RFFL: variants seen among roughly 807,000 people sequenced by gnomAD.
RFFL encodes E3 ubiquitin-protein ligase rififylin.
In RFFL, 16 loss-of-function variants were observed where a neutral mutation model predicts 40.4. The observed-to-expected ratio is 0.40, with a 90% CI of 0.27 to 0.60. RFFL has a LOEUF of 0.60. Ranked by LOEUF, RFFL falls within the 20% of genes least tolerant of loss-of-function variation. The probability of loss-of-function intolerance (pLI) is 0.47; values close to 1 mark genes in which losing one functional copy is unlikely to be tolerated. For missense variants in RFFL, 367 were observed against 451.7 expected (o/e 0.81, Z 1.70); for synonymous variants, 154 against 167.9 (o/e 0.92, Z 0.64).
chr17:35,015,097 C>G (rs567506903), intron 5 of RFFL, among the ~76,000 whole-genome samples: 91 of 152,170 alleles, frequency 6.0e-4, no homozygotes, highest in Admixed American at 1.6e-3. Context: ...CTCCTGAGTA[C>G]CTGGGGACTA....
upstream of RFFL, among the ~76,000 whole-genome samples, chr17:35,064,869 G>T (rs1751060960): frequency 6.6e-6 from 1 of 152,084 alleles, no homozygotes; most frequent in African/African-American, 2.4e-5. Context: ...CTATTCAAGG[G>T]GCTAGTTTTA....
At chr17:35,040,865 GGTGTGT>G (rs10578625) in intron 1 of RFFL, among the ~76,000 whole-genome samples, 111 of 63,858 alleles carry the variant, frequency 1.7e-3, no homozygotes, top group Admixed American at 2.7e-3. Flanking sequence ...TTTTTTTTTT[GGTGTGT>G]GTGTGTGTGT....
At chr17:35,012,691 C>T (rs191123848) in intron 6 of RFFL, among the ~76,000 whole-genome samples, 23 of 152,360 alleles carry the variant, frequency 1.5e-4, no homozygotes, top group Admixed American at 1.1e-3. Context: ...TCACAAACTA[C>T]TCCCAGGTTT....
chr17:35,048,777 T>C (rs938234384), intron 1 of RFFL, among the ~76,000 whole-genome samples: 1 of 152,238 alleles, frequency 6.6e-6, no homozygotes, highest in Non-Finnish European at 1.5e-5. Flanking sequence ...TGCACTGCAC[T>C]GAAGTCAGAT....
intron 1 of RFFL, among the ~76,000 whole-genome samples, chr17:35,045,888 G>T (rs2091196951): frequency 1.3e-5 from 2 of 151,852 alleles, no homozygotes. Context: ...GCTGGGCGTG[G>T]TGGTGTATAT....
chr17:35,075,439 G>T (rs989022877), intron 1 of RFFL, among the ~76,000 whole-genome samples: 2 of 152,150 alleles, frequency 1.3e-5, no homozygotes, highest in Admixed American at 1.3e-4. Context: ...AGCAGTGCTT[G>T]TCCAAAGGCC....
intron 1 of RFFL, among the ~76,000 whole-genome samples, chr17:35,082,597 GCTGACTGAATAGATATTC>G (rs964517432): frequency 1.3e-5 from 2 of 152,162 alleles, no homozygotes; most frequent in African/African-American, 4.8e-5. Flanking sequence ...TTCTAAAAGA[GCTGACTGAATAGATATTC>G]CTGGAAAGAG....
At chr17:35,048,380 C>T (rs911565402) in intron 1 of RFFL, among the ~76,000 whole-genome samples, 23 of 151,354 alleles carry the variant, frequency 1.5e-4, no homozygotes, top group African/African-American at 3.4e-4. Context: ...CCAGCCTGGG[C>T]GACAGAGCGA....
chr17:35,029,930 G>C (rs2091071430), intron 1 of RFFL, among the ~76,000 whole-genome samples: 1 of 149,594 alleles, frequency 6.7e-6, no homozygotes, highest in African/African-American at 2.5e-5. Flanking sequence ...CTATGAGCGA[G>C]AACATGCGGT....
At chr17:35,071,781 T>C (rs550277556) in intron 1 of RFFL, among the ~76,000 whole-genome samples, 1 of 152,338 alleles carries the variant, frequency 6.6e-6, no homozygotes, top group East Asian at 1.9e-4. Context: ...TCATCTGTAA[T>C]AGCCCCAAAC....
intron 1 of RFFL, among the ~76,000 whole-genome samples, chr17:35,046,411 G>A (rs555712339): frequency 4.9e-4 from 74 of 152,142 alleles, no homozygotes; most frequent in Non-Finnish European, 8.1e-4. Context: ...CAAAGAAACC[G>A]ACCTCTACCA....
intron 1 of RFFL, among the ~76,000 whole-genome samples, chr17:35,060,402 T>C (rs1411480076): frequency 6.6e-6 from 1 of 152,190 alleles, no homozygotes; most frequent in Non-Finnish European, 1.5e-5. Context: ...ATTTAACTAC[T>C]ATATTAAGAG....
At chr17:35,063,873 C>G (rs1369793850), upstream of RFFL, 1 of 152,232 alleles carries the variant, frequency 6.6e-6, no homozygotes, top group African/African-American at 2.4e-5. Flanking sequence ...AGGCAGCTCA[C>G]TGATTGTTTT....
At chr17:35,012,217 G>A in intron 6 of RFFL, 68 bp from the exon 7 acceptor site, 1 of 1,389,082 alleles carries the variant, frequency 7.2e-7, no homozygotes, top group Non-Finnish European at 9.9e-7. Flanking sequence ...GTGTATAGGG[G>A]TGACTGGGGG....
Position 35,011,074 on chromosome 17 carries a change from C to T in RFFL, c.*894G>A, listed in dbSNP as rs2090934983. ...ATTTTCAGCGAAAAGTGGCTTAAGA[C>T]TTCTAGTTGGGAAAAGGATCAGAAG... On this transcript the variant is annotated 3_prime_UTR_variant, in exon 7 of 7. Transcript: ENST00000394597. 1.3e-5 allele frequency: 2 copies of T among 152,214 alleles called. No individual in the cohort carries two copies. Among genetic ancestry groups the T allele is most frequent in the Admixed American group, 1.3e-4 (2 of 15,288 alleles). 9.4% of individuals were successfully genotyped at this position (152,214 alleles called of 1,614,324 possible).
At chr17:35,049,347 C>G (rs1365794458) in intron 1 of RFFL, among the ~76,000 whole-genome samples, 1 of 152,150 alleles carries the variant, frequency 6.6e-6, no homozygotes, top group Non-Finnish European at 1.5e-5. Flanking sequence ...AAACCTTTAC[C>G]TGTCCCATAT....
At chr17:35,061,093 T>G in intron 1 of RFFL, among the ~76,000 whole-genome samples, 1 of 150,620 alleles carries the variant, frequency 6.6e-6, no homozygotes, top group Admixed American at 6.6e-5. Context: ...GAGAGGGAGA[T>G]GAGATGGTTA....
chr17:35,034,067 C>T (rs537443421), intron 1 of RFFL, among the ~76,000 whole-genome samples: 11 of 150,602 alleles, frequency 7.3e-5, no homozygotes, highest in Admixed American at 5.9e-4. Context: ...GGCGTGAACC[C>T]GGGAGGCGGA....
chr17:35,025,019 T>C (rs1309074379), intron 2 of RFFL, among the ~76,000 whole-genome samples: 1 of 152,208 alleles, frequency 6.6e-6, no homozygotes, highest in African/African-American at 2.4e-5. Context: ...CACTTTTCTT[T>C]TGTCACATCG....
Sources: gnomAD v4.1 joint callset for allele counts (sites outside exome capture counted in the v4.1 genomes callset) on GRCh38, gnomAD v4.1.1 for gene constraint, MANE v1.5 for transcripts, NCBI Gene and HGNC (gene_info 2026-07-23, HGNC 2026-07-21) for gene names.